WDR64: variants seen among roughly 807,000 people sequenced by gnomAD.
WDR64 encodes WD repeat domain 64.
Under a neutral mutation model 139.3 loss-of-function variants are expected in WDR64, and 112 were observed. The observed-to-expected ratio is 0.80, with a 90% CI of 0.69 to 0.94. The LOEUF (loss-of-function observed/expected upper bound fraction) is 0.94. Among genes scored for constraint, WDR64 ranks in the 40% least tolerant of loss-of-function variants. WDR64 has a pLI of 0.00. For missense variants in WDR64, 1,206 were observed against 1,293.1 expected (o/e 0.93, Z 1.03); for synonymous variants, 444 against 437.7 (o/e 1.01, Z -0.18).
chr1:241,757,993 G>T (rs1670271927), intron 15 of WDR64, among the ~76,000 whole-genome samples: 1 of 151,940 alleles, frequency 6.6e-6, no homozygotes, highest in African/African-American at 2.4e-5. Flanking sequence ...TCTTTCTTAT[G>T]GTTGGTTTCA....
chr1:241,799,757 C>T (rs1000381837), intron 27 of WDR64, among the ~76,000 whole-genome samples: 2 of 152,124 alleles, frequency 1.3e-5, no homozygotes, highest in Non-Finnish European at 2.9e-5. Flanking sequence ...TAGGTCTCTC[C>T]TGGTCAGAAT....
At chr1:241,724,607 A>C (rs1251744876) in intron 10 of WDR64, among the ~76,000 whole-genome samples, 1 of 152,234 alleles carries the variant, frequency 6.6e-6, no homozygotes, top group Non-Finnish European at 1.5e-5. Flanking sequence ...AGCACAATAC[A>C]TTACATATGA....
chr1:241,670,941 CCCCTGACATTCACAAAGCAG>C, intron 2 of WDR64, 113 bp from the exon 3 acceptor site: 1 of 599,532 alleles, frequency 1.7e-6, no homozygotes, highest in South Asian at 2.6e-5. Flanking sequence ...TATAGGGAAC[CCCCTGACATTCACAAAGCAG>C]GGTGCTGGCT....
At chr1:241,759,730 A>C (rs953685072) in intron 15 of WDR64, among the ~76,000 whole-genome samples, 1 of 152,162 alleles carries the variant, frequency 6.6e-6, no homozygotes, top group African/African-American at 2.4e-5. Flanking sequence ...ATACACGTAA[A>C]GTAATATTTA....
chr1:241,655,711 T>TTTTC (rs1665567554), intron 1 of WDR64, among the ~76,000 whole-genome samples: 2 of 27,226 alleles, frequency 7.3e-5, no homozygotes, highest in Non-Finnish European at 2.0e-4. Flanking sequence ...TTTTCTTTTT[T>TTTTC]TTTTTTTGAT....
At position 241,766,099 on chromosome 1, in the gene WDR64, A is replaced by G. The variant is rs970801883; in HGVS notation, c.1948-119A>G. ...CTAAATTTCATGCTCTGATATTAAA[A>G]ATATATATAATAAGGCATTTTGTTT... On this transcript the variant is annotated intron_variant, in intron 15 of 27. Transcript: ENST00000437684. The G allele has an allele frequency of 8.6e-6, 8 of 925,592 alleles. No individual in the cohort carries two copies. The Admixed American group carries it at 2.7e-4, about 32-fold the overall frequency. 57.3% of individuals were successfully genotyped at this position (925,592 alleles called of 1,614,324 possible).
intron 10 of WDR64, among the ~76,000 whole-genome samples, chr1:241,724,550 G>T (rs1050634388): frequency 1.3e-5 from 2 of 152,062 alleles, no homozygotes; most frequent in Admixed American, 1.3e-4. Context: ...AAACTGATTA[G>T]CCATAAAGAA....
At chr1:241,771,889 C>T (rs1243598324) in intron 19 of WDR64, among the ~76,000 whole-genome samples, 192 bp downstream of exon 19, 19 of 140,968 alleles carry the variant, frequency 1.3e-4, no homozygotes, top group Non-Finnish European at 9.2e-5. Context: ...CACACATATA[C>T]ATATATACAT....
chr1:241,782,185 G>A (rs1045496590), intron 22 of WDR64, among the ~76,000 whole-genome samples: 1 of 152,216 alleles, frequency 6.6e-6, no homozygotes, highest in Admixed American at 6.5e-5. Flanking sequence ...CTACTCGGGA[G>A]GCTGAGGCAG....
intron 2 of WDR64, among the ~76,000 whole-genome samples, chr1:241,669,864 C>A (rs1666156144): frequency 6.6e-6 from 1 of 152,134 alleles, no homozygotes; most frequent in Non-Finnish European, 1.5e-5. Context: ...TCAAAGTAGT[C>A]TCTCATGAAA....
intron 5 of WDR64, 51 bp downstream of exon 5, chr1:241,678,267 A>G (rs1028190802): frequency 5.0e-6 from 2 of 398,802 alleles, no homozygotes; most frequent in Non-Finnish European, 4.4e-6. Context: ...GGCTATGATG[A>G]TGTTTCCTTC....
In WDR64 at chr1:241,741,518, T is replaced by C. The variant is rs754007885; in HGVS notation, c.1324T>C (p.Ser442Pro). Residue 442 changes from serine to proline, a missense_variant and splice_region_variant, in exon 12 of 28, where the codon TCT becomes CCT. Physicochemically the swap from Ser to Pro is moderately conservative, Grantham distance 74. Coordinates refer to ENST00000437684, the MANE Select transcript of WDR64 (RefSeq NM_001367482.1). ...DANHGMLITG[S>P]SVMDMYPLTR... ...TGAGATTCTTACTTCTGTTCCAGGA[T>C]CTAGTGTTATGGACATGTATCCTTT... is the stretch of plus-strand genomic sequence containing the variant. The C allele has an allele frequency of 6.2e-7, 1 of 1,600,760 alleles. No homozygotes were observed. Among genetic ancestry groups the C allele is most frequent in the African/African-American group, 1.3e-5 (1 of 74,200 alleles).
rs371182381 is a variant in WDR64 at position 241,796,325 on chromosome 1, T to C, written c.3147T>C (p.Asp1049=). 9.3e-6 allele frequency: 15 copies of C among 1,613,778 alleles called. No homozygotes were observed. Among genetic ancestry groups the C allele is most frequent in the Non-Finnish European group, 1.2e-5 (14 of 1,179,918 alleles). The change falls in exon 27 of 28, where the codon GAT becomes GAC. Residue 1049 remains aspartate (D), a synonymous_variant. Transcript: ENST00000437684. ...TAGAAGCCCAAAAGGACTCTTCAGA[T>C]GGCATTACAGGAAAGAAGAAGGGAG... ...IGVEAQKDSS[D]GITGKKKGGH... is the part of the protein sequence containing the mutation.
rs140347518 is a variant in WDR64 at position 241,655,393 on chromosome 1, C to A, written c.145+2764C>A. On this transcript the variant is annotated intron_variant, in intron 1 of 27. Transcript: ENST00000437684. ...TACAGAGAGAGACTCTGTCCCCCCTCACCCCCCAAAAAATAGTCTTTTTGC... is the reference window on the plus strand; with the variant it reads ...TACAGAGAGAGACTCTGTCCCCCCTAACCCCCCAAAAAATAGTCTTTTTGC... 7.0e-3 allele frequency among the ~76,000 whole-genome samples: 1,059 copies of A among 152,176 alleles called. 13 individuals are homozygous for A. The highest frequency in any genetic ancestry group is 0.024 in the African/African-American group (998 of 41,510).
chr1:241,715,013 A>G (rs1307094543), intron 9 of WDR64, among the ~76,000 whole-genome samples: 1 of 152,212 alleles, frequency 6.6e-6, no homozygotes, highest in African/African-American at 2.4e-5. Context: ...ATGCTACTCA[A>G]TATATAATTA....
At chr1:241,796,952 G>A (rs1659385630) in intron 27 of WDR64, among the ~76,000 whole-genome samples, 1 of 152,144 alleles carries the variant, frequency 6.6e-6, no homozygotes, top group Admixed American at 6.6e-5. Context: ...AATTCACTGA[G>A]CTGTTTTAGA....
At chr1:241,768,498 T>C (rs370236374) in intron 16 of WDR64, among the ~76,000 whole-genome samples, 4 of 152,336 alleles carry the variant, frequency 2.6e-5, no homozygotes, top group African/African-American at 9.6e-5. Context: ...AGACTTAATA[T>C]TATTCTTGCT....
At position 241,683,451 on chromosome 1, in the gene WDR64, A is replaced by G. The variant is rs146568692; in HGVS notation, c.625-36A>G. Reference sequence around the variant, plus strand: ...GGGAAATATTTATTGAACAGAGCAAAGTAATAATTCATTAAAGTCATTTTT... The same window carrying G: ...GGGAAATATTTATTGAACAGAGCAAGGTAATAATTCATTAAAGTCATTTTT... On this transcript the variant is annotated intron_variant, in intron 6 of 27. Transcript: ENST00000437684. 6.7e-4 allele frequency: 1,032 copies of G among 1,541,324 alleles called. 11 individuals carry two copies. In the African/African-American group the frequency reaches 0.013, roughly 20 times the overall value.
intron 23 of WDR64, among the ~76,000 whole-genome samples, chr1:241,787,360 CAA>C (rs377529642): frequency 8.3e-5 from 7 of 83,844 alleles, no homozygotes; most frequent in Non-Finnish European, 6.9e-5. Context: ...CGAGACTCCT[CAA>C]AAAAAAAAAA....
Sources: allele counts gnomAD v4.1 joint callset (sites outside exome capture counted in the v4.1 genomes callset), GRCh38; gene constraint gnomAD v4.1.1; transcripts MANE v1.5; gene names NCBI Gene and HGNC (gene_info 2026-07-23, HGNC 2026-07-21).